Variants in CTDSPL2 observed in about 807,000 individuals in gnomAD.
The protein encoded by CTDSPL2 is CTD small phosphatase like 2.
Under a neutral mutation model 60.0 loss-of-function variants are expected in CTDSPL2, and 5 were observed. The ratio of observed to expected loss-of-function variants is 0.08; its 90% CI spans 0.04 to 0.18. The LOEUF (loss-of-function observed/expected upper bound fraction) is 0.18. Ranked by LOEUF, CTDSPL2 falls within the 10% of genes least tolerant of loss-of-function variation. The pLI, the probability that CTDSPL2 is intolerant of heterozygous loss-of-function variation, is 1.00. For synonymous variants in CTDSPL2, 186 were observed against 189.3 expected, an observed-to-expected ratio of 0.98 and a Z score of 0.14; for missense variants, 370 against 548.8, an observed-to-expected ratio of 0.67 and a Z score of 3.26.
At chr15:44,496,025 C>A (rs948654125) in intron 5 of CTDSPL2, among the ~76,000 whole-genome samples, 4 of 151,954 alleles carry the variant, frequency 2.6e-5, no homozygotes, top group Non-Finnish European at 5.9e-5. Flanking sequence ...GAACTATTAC[C>A]CCTATAAGAG....
At chr15:44,512,681 C>A (rs1198068631) in intron 8 of CTDSPL2, among the ~76,000 whole-genome samples, 1 of 152,182 alleles carries the variant, frequency 6.6e-6, no homozygotes, top group Non-Finnish European at 1.5e-5. Context: ...AGAAGAACAA[C>A]TATCGTTAAA....
In CTDSPL2 at chr15:44,444,342, G is replaced by C. The variant is rs199924496; in HGVS notation, c.-24-14649G>C. ...ACACACACACACACACACACACACA[G>C]ACACAGAGACACATTTTTTTGAGAA... is the stretch of plus-strand genomic sequence containing the variant. On this transcript the variant is annotated intron_variant, in intron 1 of 12. Coordinates refer to ENST00000260327, the MANE Select transcript of CTDSPL2 (RefSeq NM_016396.3). Among the ~76,000 whole-genome samples, 136 of 115,156 alleles carry C rather than the reference G, an allele frequency of 1.2e-3. 1 individual carries two copies. In the East Asian group the frequency reaches 0.014, roughly 12 times the overall value. The allele number at this position is 115,156 out of a possible 152,430, so 75.5% of individuals were successfully genotyped here.
chr15:44,479,405 T>C (rs1337057737), intron 2 of CTDSPL2, among the ~76,000 whole-genome samples: 3 of 145,026 alleles, frequency 2.1e-5, no homozygotes, highest in African/African-American at 7.8e-5. Context: ...ATATTTTCTT[T>C]CCTTTTTTTT....
chr15:44,457,762 C>T (rs762612032), intron 1 of CTDSPL2, among the ~76,000 whole-genome samples: 3 of 152,116 alleles, frequency 2.0e-5, no homozygotes, highest in Non-Finnish European at 2.9e-5. Flanking sequence ...CAGGCCCCTG[C>T]CACCACGCCC....
intron 12 of CTDSPL2, 27 bp downstream of exon 12, chr15:44,521,433 G>A: frequency 4.1e-6 from 5 of 1,233,510 alleles, no homozygotes; most frequent in Non-Finnish European, 5.8e-6. Context: ...TTTTTCTGTT[G>A]TGTTTTTGTT....
At chr15:44,477,574 T>G (rs1183497127) in intron 2 of CTDSPL2, among the ~76,000 whole-genome samples, 1 of 151,336 alleles carries the variant, frequency 6.6e-6, no homozygotes, top group African/African-American at 2.4e-5. Flanking sequence ...CGGTGGCTCA[T>G]GCCTGTAATC....
At chr15:44,448,021 C>A in intron 1 of CTDSPL2, 1 of 232,302 alleles carries the variant, frequency 4.3e-6, no homozygotes, top group Non-Finnish European at 8.9e-6. Flanking sequence ...CACCCCAGTT[C>A]CATCCGGATG....
chr15:44,478,836 G>T (rs980489743), intron 2 of CTDSPL2, among the ~76,000 whole-genome samples: 1 of 151,134 alleles, frequency 6.6e-6, no homozygotes, highest in Non-Finnish European at 1.5e-5. Context: ...ACAAAAATTA[G>T]CTGGGCGTGG....
chr15:44,443,390 A>G (rs749210786), intron 1 of CTDSPL2, among the ~76,000 whole-genome samples: 1 of 152,156 alleles, frequency 6.6e-6, no homozygotes, highest in African/African-American at 2.4e-5. Flanking sequence ...GTGAGACCCT[A>G]CTGTCAGTTC....
At chr15:44,467,251 A>T (rs2080715213) in intron 2 of CTDSPL2, among the ~76,000 whole-genome samples, 1 of 152,182 alleles carries the variant, frequency 6.6e-6, no homozygotes, top group Non-Finnish European at 1.5e-5. Context: ...ATATATAATT[A>T]TGTCATATGC....
chr15:44,525,875 AT>A lies in CTDSPL2; in HGVS notation c.*1702del. ...ATTATCTGTTGTGTATGTAGTTAGC[AT>A]ATTGTGTCACTGAACTGTTTAAAAA... On this transcript the variant is annotated 3_prime_UTR_variant, in exon 13 of 13. Transcript: ENST00000260327. 1 of 158,336 alleles carries A rather than the reference AT, an allele frequency of 6.3e-6. No individual in the cohort carries two copies. The highest frequency in any genetic ancestry group is 1.8e-4 in the East Asian group (1 of 5,538). The allele number at this position is 158,336 out of a possible 1,614,324, so 9.8% of individuals were successfully genotyped here. A position where few individuals can be genotyped will look rare whatever the true frequency, so the allele number is the denominator to read the frequency against.
At chr15:44,489,527 A>G (rs890201540) in intron 4 of CTDSPL2, among the ~76,000 whole-genome samples, 3 of 152,204 alleles carry the variant, frequency 2.0e-5, no homozygotes, top group Non-Finnish European at 4.4e-5. Context: ...TAAGTGGTTA[A>G]TACAGTATTA....
intron 5 of CTDSPL2, among the ~76,000 whole-genome samples, chr15:44,494,772 C>A (rs928291517): frequency 3.1e-4 from 47 of 151,740 alleles, no homozygotes; most frequent in African/African-American, 1.1e-3. Context: ...AAAAATTAGC[C>A]GGGCGTGGTA....
intron 1 of CTDSPL2, among the ~76,000 whole-genome samples, chr15:44,449,935 G>A (rs569607768): frequency 2.0e-5 from 3 of 151,314 alleles, no homozygotes; most frequent in Non-Finnish European, 4.4e-5. Context: ...AGGTTGCAGT[G>A]AGCTGAGATT....
intron 2 of CTDSPL2, among the ~76,000 whole-genome samples, chr15:44,481,488 A>G (rs2140775244): frequency 6.6e-6 from 1 of 152,348 alleles, no homozygotes; most frequent in South Asian, 2.1e-4. Context: ...CTGAATAATT[A>G]GAGTTGAATT....
At chr15:44,435,110 A>G (rs1388275265) in intron 1 of CTDSPL2, among the ~76,000 whole-genome samples, 1 of 152,012 alleles carries the variant, frequency 6.6e-6, no homozygotes, top group African/African-American at 2.4e-5. Flanking sequence ...AAATACAAAA[A>G]TTAGCTGGGC....
At chr15:44,512,815 G>A (rs1025983223) in intron 8 of CTDSPL2, among the ~76,000 whole-genome samples, 1 of 152,134 alleles carries the variant, frequency 6.6e-6, no homozygotes, top group Admixed American at 6.6e-5. Flanking sequence ...GGATTAGGCC[G>A]GGCGGAGTGG....
chr15:44,436,886 G>C lies in CTDSPL2; in HGVS notation c.-25+9114G>C, dbSNP rs368977769. On this transcript the variant is annotated intron_variant, in intron 1 of 12. Coordinates refer to ENST00000260327, the MANE Select transcript of CTDSPL2 (RefSeq NM_016396.3). ...TGAGTATCCCTCATCCAAAATGCTT[G>C]GTATCAGAAGTGTTTTGGATTTCAG... 4.5e-3 allele frequency among the ~76,000 whole-genome samples: 682 copies of C among 152,164 alleles called. 4 individuals are homozygous for C. Among genetic ancestry groups the C allele is most frequent in the African/African-American group, 0.016 (649 of 41,516 alleles).
In CTDSPL2 at chr15:44,528,337, CT is replaced by C. The variant is rs200379277; in HGVS notation, c.*4174del. ...CTCGAGAGGGGCCTGAGAGTTCTGG[CT>C]TTTTTTTTTTGTTTGGTTGGTTTTG... On this transcript the variant is annotated 3_prime_UTR_variant, in exon 13 of 13. Coordinates refer to ENST00000260327, the MANE Select transcript of CTDSPL2 (RefSeq NM_016396.3). 13,346 of 140,690 alleles carry C rather than the reference CT, an allele frequency of 0.095. 1,217 individuals are homozygous for C. Among genetic ancestry groups the C allele is most frequent in the African/African-American group, 0.23 (8,906 of 39,224 alleles). The allele number at this position is 140,690 out of a possible 1,614,324, so 8.7% of individuals were successfully genotyped here.
Sources: gnomAD v4.1 joint callset for allele counts (sites outside exome capture counted in the v4.1 genomes callset) on GRCh38, gnomAD v4.1.1 for gene constraint, MANE v1.5 for transcripts, NCBI Gene and HGNC (gene_info 2026-07-23, HGNC 2026-07-21) for gene names.